The following C11orf65 variants were observed in gnomAD, a reference collection of about 807,000 sequenced individuals.
The protein encoded by C11orf65 is protein MFI.
In C11orf65, 38 loss-of-function variants were observed where a neutral mutation model predicts 35.3. That is an observed-to-expected ratio of 1.08 (90% CI 0.83 to 1.41). C11orf65 has a LOEUF of 1.41. Ranked by LOEUF, C11orf65 falls within the 40% of genes most tolerant of loss-of-function variation. The pLI, the probability that C11orf65 is intolerant of heterozygous loss-of-function variation, is 0.00. For synonymous variants in C11orf65, 105 were observed against 114.4 expected, an observed-to-expected ratio of 0.92 and a Z score of 0.53; for missense variants, 370 against 367.1, an observed-to-expected ratio of 1.01 and a Z score of -0.06.
intron 2 of C11orf65, among the ~76,000 whole-genome samples, chr11:108,357,765 A>G (rs568208512): frequency 6.6e-6 from 1 of 152,306 alleles, no homozygotes; most frequent in East Asian, 1.9e-4. Context: ...TAACAAACAG[A>G]AAGGATATCC....
intron 2 of C11orf65, among the ~76,000 whole-genome samples, chr11:108,451,781 C>T (rs1591596743): frequency 6.6e-6 from 1 of 152,210 alleles, no homozygotes; most frequent in East Asian, 1.9e-4. Flanking sequence ...GTAACCAAAA[C>T]AGCATGGTAC....
At chr11:108,424,480 C>G (rs542220601) in intron 3 of C11orf65, among the ~76,000 whole-genome samples, 2 of 152,264 alleles carry the variant, frequency 1.3e-5, no homozygotes, top group Admixed American at 1.3e-4. Flanking sequence ...GGAAAACACT[C>G]TCCCAATACA....
chr11:108,451,560 T>C lies in C11orf65; in HGVS notation c.81+9919A>G, dbSNP rs569061560. On this transcript the variant is annotated intron_variant, in intron 2 of 8. Coordinates refer to ENST00000393084, the MANE Select transcript of C11orf65 (RefSeq NM_152587.5). ...GCTCATGGGTAGGAAGAATCAATAT[T>C]GTGAAAATGGCCACACTGCCCAAGG... Among the ~76,000 whole-genome samples the C allele has an allele frequency of 2.0e-3, 309 of 151,744 alleles. 4 individuals carry two copies. Among genetic ancestry groups the C allele is most frequent in the East Asian group, 9.5e-3 (49 of 5,180 alleles).
chr11:108,373,703 C>T (rs891621480), intron 2 of C11orf65, among the ~76,000 whole-genome samples: 6 of 152,212 alleles, frequency 3.9e-5, no homozygotes, highest in Admixed American at 3.9e-4. Context: ...CACCGTGCGC[C>T]AGCCGAAGCA....
chr11:108,383,122 A>T lies in C11orf65; in HGVS notation c.841T>A (p.Ser281Thr). 6.2e-7 allele frequency: 1 copy of T among 1,612,156 alleles called. No homozygotes were observed. Among genetic ancestry groups the T allele is most frequent in the Non-Finnish European group, 8.5e-7 (1 of 1,179,140 alleles). The change falls in exon 9 of 9, where the codon TCA (serine) becomes ACA (threonine). Residue 281 changes from serine to threonine, a missense_variant. By Grantham distance (58) the Ser-to-Thr change is moderately conservative. Transcript: ENST00000393084. ...TCTGGTATTCCCATTTGCATCTTTG[A>T]TATGTCTCCTCCATAGTTATATATG... is the stretch of plus-strand genomic sequence containing the variant. ...KNIYNYGGDI[S>T]KMQMGIPDDT...
At chr11:108,318,665 G>T (rs1214747709) in intron 6 of C11orf65, among the ~76,000 whole-genome samples, 1 of 151,952 alleles carries the variant, frequency 6.6e-6, no homozygotes, top group Non-Finnish European at 1.5e-5. Context: ...CCCCAGCCTG[G>T]GCGACAGAGT....
chr11:108,364,203 T>C (rs1258560116), intron 2 of C11orf65, among the ~76,000 whole-genome samples: 1 of 152,200 alleles, frequency 6.6e-6, no homozygotes, highest in Non-Finnish European at 1.5e-5. Context: ...AGAAACTGTA[T>C]ACAGATAGCA....
At chr11:108,416,243 C>T (rs907181543) in intron 3 of C11orf65, among the ~76,000 whole-genome samples, 4 of 152,088 alleles carry the variant, frequency 2.6e-5, no homozygotes, top group Admixed American at 2.6e-4. Context: ...ACTCTTTAAC[C>T]TTCACTATAA....
chr11:108,348,638 G>T (rs1022345777), intron 2 of C11orf65, among the ~76,000 whole-genome samples: 3 of 151,580 alleles, frequency 2.0e-5, no homozygotes, highest in African/African-American at 7.3e-5. Flanking sequence ...TTAATCACTA[G>T]GTGATAATTT....
chr11:108,430,431 G>T (rs914594313), intron 3 of C11orf65, among the ~76,000 whole-genome samples: 3 of 151,210 alleles, frequency 2.0e-5, no homozygotes, highest in Non-Finnish European at 4.4e-5. Context: ...GAGCCACTGC[G>T]CCCAGCCTGA....
At chr11:108,376,944 T>C (rs1193895118) in intron 2 of C11orf65, among the ~76,000 whole-genome samples, 1 of 151,958 alleles carries the variant, frequency 6.6e-6, no homozygotes, top group African/African-American at 2.4e-5. Flanking sequence ...AAGTTGAATC[T>C]CTGAATAGAC....
chr11:108,448,875 C>G (rs192509209), intron 2 of C11orf65, among the ~76,000 whole-genome samples: 3 of 152,244 alleles, frequency 2.0e-5, no homozygotes, highest in African/African-American at 7.2e-5. Flanking sequence ...GATTGTATAT[C>G]TAGAAAACCC....
chr11:108,346,597 T>C (rs1010133505), intron 2 of C11orf65: 3 of 152,652 alleles, frequency 2.0e-5, no homozygotes, highest in African/African-American at 7.2e-5. Context: ...TCCCAGGTAA[T>C]TGTGAAACTC....
At chr11:108,366,837 C>A (rs1484328440) in intron 2 of C11orf65, 1 of 229,734 alleles carries the variant, frequency 4.4e-6, no homozygotes, top group Non-Finnish European at 8.6e-6. Context: ...GAAGGAGGTA[C>A]ATTTAATTCC....
chr11:108,447,923 T>C (rs1490866214), intron 2 of C11orf65, among the ~76,000 whole-genome samples: 3 of 151,836 alleles, frequency 2.0e-5, no homozygotes, highest in Non-Finnish European at 1.5e-5. Flanking sequence ...AAGAATCAAA[T>C]AGATGCAATA....
At chr11:108,415,803 C>T (rs1273769943) in intron 3 of C11orf65, among the ~76,000 whole-genome samples, 1 of 152,060 alleles carries the variant, frequency 6.6e-6, no homozygotes, top group African/African-American at 2.4e-5. Context: ...CAGAAATAGA[C>T]CCACACAAAC....
intron 6 of C11orf65, among the ~76,000 whole-genome samples, chr11:108,400,394 C>T (rs1353047649): frequency 6.6e-6 from 1 of 152,144 alleles, no homozygotes; most frequent in East Asian, 1.9e-4. Flanking sequence ...CTGCTCACCA[C>T]ATCCAATCAA....
chr11:108,431,579 T>C (rs552578709), intron 3 of C11orf65, among the ~76,000 whole-genome samples, 167 bp downstream of exon 3: 1 of 152,322 alleles, frequency 6.6e-6, no homozygotes, highest in Non-Finnish European at 1.5e-5. Flanking sequence ...GTTTGCTTTG[T>C]GATGATTCAT....
intron 2 of C11orf65, among the ~76,000 whole-genome samples, chr11:108,460,751 T>TTGTTGC (rs984775200): frequency 1.3e-5 from 2 of 151,968 alleles, no homozygotes; most frequent in African/African-American, 4.8e-5. Flanking sequence ...GTTGTTGTTG[T>TTGTTGC]TGCTGCTGCT....
Sources: gnomAD v4.1 joint callset for allele counts (sites outside exome capture counted in the v4.1 genomes callset) on GRCh38, gnomAD v4.1.1 for gene constraint, MANE v1.5 for transcripts, NCBI Gene and HGNC (gene_info 2026-07-23, HGNC 2026-07-21) for gene names.